Variants in NRG1 observed in about 807,000 individuals in gnomAD.
NRG1 encodes pro-neuregulin-1, membrane-bound isoform.
In NRG1, 18 loss-of-function variants were observed where a neutral mutation model predicts 63.8. The ratio of observed to expected loss-of-function variants is 0.28; its 90% CI spans 0.19 to 0.42. The LOEUF is 0.42. NRG1 is among the 10% of genes least tolerant of loss of function. The pLI, the probability that NRG1 is intolerant of heterozygous loss-of-function variation, is 1.00. For missense variants in NRG1, 762 were observed against 814.7 expected, an observed-to-expected ratio of 0.94 and a Z score of 0.79; for synonymous variants, 302 against 301.3, an observed-to-expected ratio of 1.00 and a Z score of -0.02.
chr8:32,104,322 T>C (rs892297728), intron 1 of NRG1, among the ~76,000 whole-genome samples: 7 of 152,174 alleles, frequency 4.6e-5, no homozygotes, highest in Non-Finnish European at 2.9e-5. Flanking sequence ...AAGATTTTAT[T>C]TAAAGTACAC....
At chr8:32,072,908 A>G (rs752803900) in intron 1 of NRG1, among the ~76,000 whole-genome samples, 3 of 152,130 alleles carry the variant, frequency 2.0e-5, no homozygotes, top group Non-Finnish European at 4.4e-5. Context: ...GTTCACTTCT[A>G]TTATTAACAT....
At chr8:32,743,595 T>TATATATATATATATATATAA (rs1439936922) in intron 7 of NRG1, among the ~76,000 whole-genome samples, 1 of 141,794 alleles carries the variant, frequency 7.1e-6, no homozygotes, top group Non-Finnish European at 1.6e-5. Flanking sequence ...TATATATATA[T>TATATATATATATATATATAA]AAAACTTAAT....
chr8:32,261,502 A>T (rs1472085297), intron 1 of NRG1, among the ~76,000 whole-genome samples: 1 of 152,030 alleles, frequency 6.6e-6, no homozygotes, highest in Non-Finnish European at 1.5e-5. Context: ...ATGGACAGGG[A>T]TTGAATTAGT....
At chr8:32,124,602 C>T (rs1322074126) in intron 1 of NRG1, among the ~76,000 whole-genome samples, 1 of 151,828 alleles carries the variant, frequency 6.6e-6, no homozygotes, top group Non-Finnish European at 1.5e-5. Flanking sequence ...CAGGACTCCA[C>T]TGACACCCCC....
intron 5 of NRG1, among the ~76,000 whole-genome samples, chr8:32,621,969 G>T (rs1160141288): frequency 6.6e-6 from 1 of 152,210 alleles, no homozygotes; most frequent in Non-Finnish European, 1.5e-5. Context: ...TTTATTGGGA[G>T]TATATGTGGT....
intron 5 of NRG1, among the ~76,000 whole-genome samples, chr8:32,640,245 T>TCACACACACACACA (rs111977984): frequency 0.02 from 2,887 of 147,596 alleles, 112 homozygotes; most frequent in African/African-American, 0.067. Flanking sequence ...CTTCTTTTTG[T>TCACACACACACACA]CACACACACA....
chr8:32,488,147 A>G (rs1826129208), intron 1 of NRG1, among the ~76,000 whole-genome samples: 1 of 152,190 alleles, frequency 6.6e-6, no homozygotes, highest in Non-Finnish European at 1.5e-5. Flanking sequence ...TGTTTCTAGT[A>G]GGACTGATGG....
intron 1 of NRG1, among the ~76,000 whole-genome samples, chr8:31,853,091 C>A (rs1255323986): frequency 6.6e-6 from 1 of 151,810 alleles, no homozygotes; most frequent in African/African-American, 2.4e-5. Context: ...CTTGGCGATG[C>A]GGGCTCTTTT....
At chr8:32,459,622 G>A (rs1459600577) in intron 1 of NRG1, among the ~76,000 whole-genome samples, 1 of 151,226 alleles carries the variant, frequency 6.6e-6, no homozygotes, top group African/African-American at 2.4e-5. Flanking sequence ...AAAAAAAGAA[G>A]AAGGAAACAT....
chr8:32,102,025 C>T (rs183856345), intron 1 of NRG1, among the ~76,000 whole-genome samples: 287 of 152,076 alleles, frequency 1.9e-3, no homozygotes, highest in Non-Finnish European at 3.5e-3. Context: ...CAGGCTTCGT[C>T]GGAGGGTAAA....
intron 1 of NRG1, among the ~76,000 whole-genome samples, chr8:31,751,734 GAGAT>G (rs1586148018): frequency 6.6e-6 from 1 of 151,918 alleles, no homozygotes; most frequent in Non-Finnish European, 1.5e-5. Flanking sequence ...GAGATGGAGA[GAGAT>G]AGAGAGTTTG....
At chr8:31,818,914 G>A (rs902119236) in intron 1 of NRG1, among the ~76,000 whole-genome samples, 5 of 152,078 alleles carry the variant, frequency 3.3e-5, no homozygotes, top group South Asian at 2.1e-4. Context: ...AAAAATAGCC[G>A]GGCGTGGTGG....
intron 1 of NRG1, among the ~76,000 whole-genome samples, chr8:31,749,285 A>C (rs976903591): frequency 6.6e-6 from 1 of 151,916 alleles, no homozygotes; most frequent in East Asian, 1.9e-4. Flanking sequence ...CTAATGTATT[A>C]GTTTTACAAT....
chr8:32,403,127 C>T (rs1248304599), intron 1 of NRG1, among the ~76,000 whole-genome samples: 5 of 151,582 alleles, frequency 3.3e-5, no homozygotes, highest in Non-Finnish European at 7.4e-5. Context: ...GGTGAAACGC[C>T]GTCTCTACTA....
At chr8:32,512,085 C>T (rs908381509) in intron 1 of NRG1, among the ~76,000 whole-genome samples, 1 of 150,468 alleles carries the variant, frequency 6.6e-6, no homozygotes, top group East Asian at 2.0e-4. Flanking sequence ...CTTCATAATC[C>T]AGGAATAAGG....
chr8:32,517,462 A>G (rs1428578338), intron 1 of NRG1, among the ~76,000 whole-genome samples: 2 of 152,178 alleles, frequency 1.3e-5, no homozygotes, highest in Non-Finnish European at 2.9e-5. Flanking sequence ...CACATTTGAG[A>G]GGAAGGAGGC....
chr8:32,089,439 A>C (rs1399903322), intron 1 of NRG1, among the ~76,000 whole-genome samples: 1 of 152,218 alleles, frequency 6.6e-6, no homozygotes, highest in Non-Finnish European at 1.5e-5. Flanking sequence ...CCTTCTGTGG[A>C]ATAGCAATAA....
chr8:32,680,372 G>GAA (rs1808276032), intron 5 of NRG1, among the ~76,000 whole-genome samples: 1 of 152,142 alleles, frequency 6.6e-6, no homozygotes, highest in South Asian at 2.1e-4. Flanking sequence ...CTAAAACCAG[G>GAA]AAAGTCCAGG....
intron 1 of NRG1, among the ~76,000 whole-genome samples, chr8:31,662,384 A>G (rs1806078117): frequency 6.6e-6 from 1 of 152,228 alleles, no homozygotes; most frequent in African/African-American, 2.4e-5. Flanking sequence ...CTGATGAATG[A>G]AGGACTGTGA....
Sources: gnomAD v4.1 joint callset for allele counts (sites outside exome capture counted in the v4.1 genomes callset) on GRCh38, gnomAD v4.1.1 for gene constraint, MANE v1.5 for transcripts, NCBI Gene and HGNC (gene_info 2026-07-23, HGNC 2026-07-21) for gene names.